ZGRF1: variants seen among roughly 807,000 people sequenced by gnomAD.
ZGRF1 encodes the protein 5'-3' DNA helicase ZGRF1.
A neutral mutation model predicts 203.5 loss-of-function variants in ZGRF1; 196 were observed. The ratio of observed to expected loss-of-function variants is 0.96; its 90% CI spans 0.86 to 1.08. The LOEUF is 1.08. Ranked by LOEUF, ZGRF1 falls within the 50% of genes least tolerant of loss-of-function variation. ZGRF1 has a pLI of 0.00. For missense variants in ZGRF1, 2,326 were observed against 2,416.3 expected (o/e 0.96, Z 0.78); for synonymous variants, 809 against 841.3 (o/e 0.96, Z 0.66).
chr4:112,586,643 G>C, intron 12 of ZGRF1, 60 bp from the exon 13 acceptor site: 1 of 1,232,460 alleles, frequency 8.1e-7, no homozygotes. Flanking sequence ...TTACTAAAGA[G>C]TAAATTATTT....
Position 112,619,553 on chromosome 4 carries a change from A to C in ZGRF1, c.489T>G (p.Thr163=), listed in dbSNP as rs775193684. 6.2e-7 allele frequency: 1 copy of C among 1,614,150 alleles called. No homozygotes were observed. ...TATTATTTACATCTTTCTTGCCAAC[A>C]GTAGGAAACAAAGGAGGCATGCTGC... ...PFCSMPPLFP[T]VGKKDVNNIL... is the part of the protein sequence containing the mutation. Residue 163 remains threonine, a synonymous_variant, in exon 6 of 28, where the codon ACT becomes ACG. Coordinates refer to ENST00000505019, the MANE Select transcript of ZGRF1 (RefSeq NM_018392.5).
chr4:112,628,684 G>A (rs2047313487), intron 3 of ZGRF1: 1 of 456,012 alleles, frequency 2.2e-6, no homozygotes, highest in Non-Finnish European at 4.4e-6. Context: ...ACCTACTTGT[G>A]TGAGATATAT....
Position 112,618,119 on chromosome 4 carries a change from T to C in ZGRF1, c.1923A>G (p.Thr641=). The C allele has an allele frequency of 1.2e-6, 2 of 1,613,988 alleles. No homozygotes were observed. Among genetic ancestry groups the C allele is most frequent in the African/African-American group, 1.3e-5 (1 of 75,056 alleles). ...TGKEIEEYSD[T]LSNFESFKWT... ...ACTTGAAAGATTCAAAATTGCTTAA[T>C]GTGTCACTATACTCCTCTATTTCTT... is the stretch of plus-strand genomic sequence containing the variant. The change falls in exon 6 of 28, where the codon ACA becomes ACG. Residue 641 remains threonine, a synonymous_variant. Coordinates refer to ENST00000505019, the MANE Select transcript of ZGRF1 (RefSeq NM_018392.5).
At position 112,621,015 on chromosome 4, in the gene ZGRF1, G is replaced by C. The variant is rs2047044577; in HGVS notation, c.163-825C>G. Among the ~76,000 whole-genome samples the C allele has an allele frequency of 1.3e-5, 2 of 152,116 alleles. 1 individual carries two copies. The highest frequency in any genetic ancestry group is 4.1e-4 in the South Asian group (2 of 4,832). On this transcript the variant is annotated intron_variant, in intron 4 of 27. Coordinates refer to ENST00000505019, the MANE Select transcript of ZGRF1 (RefSeq NM_018392.5). ...CTGCCATACTCCAACCTGGATGACA[G>C]AGTGAGACAATGTCTCTAAAAACAA...
chr4:112,600,409 T>C (rs774785820), intron 10 of ZGRF1, among the ~76,000 whole-genome samples: 11 of 152,030 alleles, frequency 7.2e-5, no homozygotes, highest in Admixed American at 3.9e-4. Context: ...AATGATAAAC[T>C]AGGGCCAGGT....
At chr4:112,635,343 G>A (rs1446780566) in intron 1 of ZGRF1, among the ~76,000 whole-genome samples, 1 of 151,926 alleles carries the variant, frequency 6.6e-6, no homozygotes, top group Non-Finnish European at 1.5e-5. Context: ...CTGTTTAATA[G>A]CTACCATTTA....
chr4:112,571,205 A>G (rs1744155276), intron 16 of ZGRF1, among the ~76,000 whole-genome samples: 2 of 152,172 alleles, frequency 1.3e-5, no homozygotes, highest in African/African-American at 4.8e-5. Context: ...CAAGCTTAAG[A>G]TGTGTAAAAA....
chr4:112,571,422 G>A (rs1487040190), intron 16 of ZGRF1, among the ~76,000 whole-genome samples: 2 of 152,102 alleles, frequency 1.3e-5, no homozygotes, highest in Non-Finnish European at 2.9e-5. Context: ...AATGGTATCA[G>A]AGAATATGAA....
intron 19 of ZGRF1, among the ~76,000 whole-genome samples, chr4:112,560,392 T>C (rs183116122): frequency 6.6e-6 from 1 of 152,326 alleles, no homozygotes; most frequent in Non-Finnish European, 1.5e-5. Flanking sequence ...ATCACTGATA[T>C]AAAGGATAGA....
At position 112,562,370 on chromosome 4, in the gene ZGRF1, C is replaced by T. The variant is rs770727486; in HGVS notation, c.4697+1G>A. On this transcript the variant is annotated splice_donor_variant, in intron 18 of 27. Coordinates refer to ENST00000505019, the MANE Select transcript of ZGRF1 (RefSeq NM_018392.5). LOFTEE classifies it high-confidence loss of function. ...TGACTCAAAGGTAAAAAATGACTTA[C>T]GTTGTTAACAGGTACTGTGTTAGAG... 15 of 1,550,370 alleles carry T rather than the reference C, an allele frequency of 9.7e-6. No homozygotes were observed. Among genetic ancestry groups the T allele is most frequent in the African/African-American group, 2.7e-5 (2 of 73,748 alleles).
At chr4:112,562,768 C>T (rs1742249731) in intron 17 of ZGRF1, among the ~76,000 whole-genome samples, 1 of 152,182 alleles carries the variant, frequency 6.6e-6, no homozygotes, top group African/African-American at 2.4e-5. Context: ...GAGTTAGTAC[C>T]TAGTAGCACA....
intron 16 of ZGRF1, among the ~76,000 whole-genome samples, chr4:112,566,505 A>AGAATTGCT (rs1578299265): frequency 1.3e-5 from 2 of 151,260 alleles, no homozygotes; most frequent in Non-Finnish European, 3.0e-5. Flanking sequence ...ATAAAATAAA[A>AGAATTGCT]TAAATAAATA....
chr4:112,562,620 C>T, intron 17 of ZGRF1, 135 bp from the exon 18 acceptor site: 1 of 599,518 alleles, frequency 1.7e-6, no homozygotes, highest in East Asian at 2.8e-5. Context: ...CTTAAACACA[C>T]ACAGAGATCC....
chr4:112,603,636 C>G lies in ZGRF1; in HGVS notation c.2864G>C (p.Gly955Ala), dbSNP rs761131574. Reference sequence around the variant, plus strand: ...ACTGCATCCTAGCTGTGAGCTGTGTCCTCTGACCATTACACCACTAGTAGC... The same window carrying G: ...ACTGCATCCTAGCTGTGAGCTGTGTGCTCTGACCATTACACCACTAGTAGC... ...GSATSGVMVR[G>A]HSSQLGCSQF... The change falls in exon 10 of 28, where the codon GGA becomes GCA. Residue 955 changes from glycine (G) to alanine (A), a missense_variant. Coordinates refer to ENST00000505019, the MANE Select transcript of ZGRF1 (RefSeq NM_018392.5). 3.7e-6 allele frequency: 6 copies of G among 1,613,944 alleles called. No individual in the cohort carries two copies. Among genetic ancestry groups the G allele is most frequent in the Non-Finnish European group, 4.2e-6 (5 of 1,179,896 alleles).
chr4:112,610,946 A>G, intron 7 of ZGRF1: 1 of 305,156 alleles, frequency 3.3e-6, no homozygotes, highest in South Asian at 2.7e-5. Context: ...TTTTAACTGG[A>G]CACAAAAAAA....
intron 1 of ZGRF1, among the ~76,000 whole-genome samples, chr4:112,636,496 C>CTGGACAA (rs2047646284): frequency 6.6e-6 from 1 of 152,044 alleles, no homozygotes; most frequent in African/African-American, 2.4e-5. Flanking sequence ...TGTTAACAAA[C>CTGGACAA]CATCCAGTCC....
intron 10 of ZGRF1, among the ~76,000 whole-genome samples, chr4:112,595,455 C>T (rs1437440943): frequency 1.3e-5 from 2 of 152,004 alleles, no homozygotes; most frequent in Non-Finnish European, 2.9e-5. Flanking sequence ...TAGTGGCTCA[C>T]GTCTATAAAC....
In ZGRF1 at chr4:112,587,339, CCT is replaced by C; in HGVS notation, c.3716_3717del (p.Glu1239GlyfsTer3). 1 of 1,613,528 alleles carries C rather than the reference CCT, an allele frequency of 6.2e-7. No homozygotes were observed. The highest frequency in any genetic ancestry group is 8.5e-7 in the Non-Finnish European group (1 of 1,179,688). ...SLNLKQTSKT[E>X]EIKNVLGGST... ...GACCCTCCTAATACATTTTTAATTT[CCT>C]CTGTCTTAGAAGTCTGCTTTAAATT... On this transcript the variant is annotated frameshift_variant, in exon 12 of 28. Coordinates refer to ENST00000505019, the MANE Select transcript of ZGRF1 (RefSeq NM_018392.5). LOFTEE classifies it high-confidence loss of function.
chr4:112,603,637 C>G lies in ZGRF1; in HGVS notation c.2863G>C (p.Gly955Arg). 6.2e-7 allele frequency: 1 copy of G among 1,613,942 alleles called. No homozygotes were observed. Among genetic ancestry groups the G allele is most frequent in the Middle Eastern group, 1.7e-4 (1 of 6,058 alleles). ...CTGCATCCTAGCTGTGAGCTGTGTCCTCTGACCATTACACCACTAGTAGCT... is the reference window on the plus strand; with the variant it reads ...CTGCATCCTAGCTGTGAGCTGTGTCGTCTGACCATTACACCACTAGTAGCT... ...GSATSGVMVRGHSSQLGCSQF... is the reference protein window; with the variant it reads ...GSATSGVMVRRHSSQLGCSQF... The change falls in exon 10 of 28, where the codon GGA becomes CGA. Residue 955 changes from glycine to arginine, a missense_variant. Physicochemically the swap from Gly to Arg is moderately radical, Grantham distance 125. Coordinates refer to ENST00000505019, the MANE Select transcript of ZGRF1 (RefSeq NM_018392.5).
Sources: allele counts gnomAD v4.1 joint callset (sites outside exome capture counted in the v4.1 genomes callset), GRCh38; gene constraint gnomAD v4.1.1; transcripts MANE v1.5; gene names NCBI Gene and HGNC (gene_info 2026-07-23, HGNC 2026-07-21).